The following CTTNBP2NL variants were observed in gnomAD, a reference collection of about 807,000 sequenced individuals.
CTTNBP2NL encodes CTTNBP2 N-terminal-like protein.
In CTTNBP2NL, 16 loss-of-function variants were observed where a neutral mutation model predicts 32.5. The observed-to-expected ratio is 0.49, with a 90% CI of 0.33 to 0.75. The LOEUF (loss-of-function observed/expected upper bound fraction) is 0.75, where lower values mean the gene tolerates loss of function less well. CTTNBP2NL is among the 30% of genes least tolerant of loss of function. CTTNBP2NL has a pLI of 0.02. For synonymous variants in CTTNBP2NL, 298 were observed against 289.4 expected (o/e 1.03, Z -0.30); for missense variants, 645 against 756.0 (o/e 0.85, Z 1.72).
chr1:112,422,751 A>T lies in CTTNBP2NL; in HGVS notation c.99+6487A>T, dbSNP rs115796874. Among the ~76,000 whole-genome samples the T allele has an allele frequency of 6.3e-4, 96 of 152,000 alleles. 1 individual carries two copies. The highest frequency in any genetic ancestry group is 2.2e-3 in the African/African-American group (92 of 41,444). On this transcript the variant is annotated intron_variant, in intron 3 of 5. Transcript: ENST00000271277. ...ATGTTAAGTATCATTTCATGTGCTT[A>T]TTTGCTAATTTGCTCTCTGTATTAT...
At position 112,456,398 on chromosome 1, in the gene CTTNBP2NL, T is replaced by C. The variant is rs146126245; in HGVS notation, c.906T>C (p.Thr302=). Residue 302 remains threonine, a synonymous_variant, in exon 6 of 6, where the codon ACT becomes ACC. Transcript: ENST00000271277. The part of the protein sequence containing the change: ...KPVTVSKGTA[T]EPLMLMSVFC... ...TAACCGTGTCCAAAGGCACAGCAACTGAGCCTCTCATGCTAATGTCTGTGT... is the reference window on the plus strand; with the variant it reads ...TAACCGTGTCCAAAGGCACAGCAACCGAGCCTCTCATGCTAATGTCTGTGT... 63 of 1,614,106 alleles carry C rather than the reference T, an allele frequency of 3.9e-5. No individual in the cohort carries two copies. The African/African-American group carries it at 4.3e-4, about 11-fold the overall frequency.
chr1:112,393,179 T>C (rs761854917), upstream of CTTNBP2NL, among the ~76,000 whole-genome samples: 15 of 152,150 alleles, frequency 9.9e-5, no homozygotes, highest in Non-Finnish European at 1.2e-4. Flanking sequence ...TTTGTACTTC[T>C]AGCCTCAAGA....
At chr1:112,447,275 A>C (rs1158572666) in intron 3 of CTTNBP2NL, among the ~76,000 whole-genome samples, 1 of 139,956 alleles carries the variant, frequency 7.1e-6, no homozygotes, top group Admixed American at 7.1e-5. Context: ...CTCCATCTAA[A>C]AAAAAAAAAA....
At chr1:112,399,748 C>T (rs957536966) in intron 1 of CTTNBP2NL, among the ~76,000 whole-genome samples, 3 of 152,088 alleles carry the variant, frequency 2.0e-5, no homozygotes, top group African/African-American at 7.2e-5. Flanking sequence ...GGCTTATTAG[C>T]ATGTTTTCTA....
At position 112,457,106 on chromosome 1, in the gene CTTNBP2NL, C is replaced by T. The variant is rs1259994449; in HGVS notation, c.1614C>T (p.Asn538=). The T allele has an allele frequency of 1.9e-6, 3 of 1,614,090 alleles. No individual in the cohort carries two copies. Among genetic ancestry groups the T allele is most frequent in the Admixed American group, 1.7e-5 (1 of 60,008 alleles). Residue 538 remains asparagine, a synonymous_variant, in exon 6 of 6, where the codon AAC becomes AAT. Transcript: ENST00000271277. ...PFGTDYRNLA[N]TANPRGDTSH... The stretch of plus-strand genomic sequence containing the variant: ...GCACAGACTATCGAAATCTAGCCAA[C>T]ACTGCCAATCCAAGAGGTGACACAA...
Position 112,424,617 on chromosome 1 carries a change from A to G in CTTNBP2NL, c.99+8353A>G, listed in dbSNP as rs116932841. 3.9e-3 allele frequency among the ~76,000 whole-genome samples: 593 copies of G among 152,326 alleles called. 17 individuals are homozygous for G. In the East Asian group the frequency reaches 0.073, roughly 19 times the overall value. On this transcript the variant is annotated intron_variant, in intron 3 of 5. Coordinates refer to ENST00000271277, the MANE Select transcript of CTTNBP2NL (RefSeq NM_018704.3). ...AGAGATCAATTTGGGGAGAATTCAT[A>G]TCTTAACAACATTGTGTTTTTCGAT...
intron 3 of CTTNBP2NL, among the ~76,000 whole-genome samples, chr1:112,440,922 C>CATT (rs71081237): frequency 0.55 from 83,742 of 151,768 alleles, 24,185 homozygotes; most frequent in South Asian, 0.71. Flanking sequence ...TTTTTGCTGT[C>CATT]ATTGTTAAAA....
chr1:112,432,864 A>G (rs747996985), intron 3 of CTTNBP2NL, among the ~76,000 whole-genome samples: 8 of 151,132 alleles, frequency 5.3e-5, no homozygotes, highest in African/African-American at 1.9e-4. Flanking sequence ...ATTCCTCATT[A>G]CTCATTTGCC....
Position 112,457,646 on chromosome 1 carries a change from C to T in CTTNBP2NL, c.*234C>T, listed in dbSNP as rs566483490. ...AAAGGCACCTCAAAGATGTCTCAAG[C>T]TCAGCAGTCACCGTCATGTTGTGAT... On this transcript the variant is annotated 3_prime_UTR_variant, in exon 6 of 6. Coordinates refer to ENST00000271277, the MANE Select transcript of CTTNBP2NL (RefSeq NM_018704.3). The T allele has an allele frequency of 4.3e-6, 2 of 460,050 alleles. No individual in the cohort carries two copies. Among genetic ancestry groups the T allele is most frequent in the Non-Finnish European group, 7.7e-6 (2 of 260,968 alleles). 28.5% of individuals were successfully genotyped at this position (460,050 alleles called of 1,614,324 possible).
intron 3 of CTTNBP2NL, among the ~76,000 whole-genome samples, chr1:112,440,117 A>G (rs1649855772): frequency 6.6e-6 from 1 of 152,352 alleles, no homozygotes; most frequent in South Asian, 2.1e-4. Context: ...CCCAGCAAAC[A>G]TTAAGTATTC....
intron 1 of CTTNBP2NL, among the ~76,000 whole-genome samples, chr1:112,400,724 G>A (rs894779021): frequency 6.6e-5 from 10 of 152,178 alleles, no homozygotes; most frequent in African/African-American, 2.2e-4. Flanking sequence ...CCCGGGAGAC[G>A]GAGGTTGCAG....
chr1:112,442,671 T>C (rs1417794415), intron 3 of CTTNBP2NL, among the ~76,000 whole-genome samples: 2 of 152,068 alleles, frequency 1.3e-5, no homozygotes, highest in East Asian at 1.9e-4. Flanking sequence ...TTGAAACAGC[T>C]ACATTATTCT....
At chr1:112,453,911 A>G (rs993372128) in intron 4 of CTTNBP2NL, among the ~76,000 whole-genome samples, 2 of 152,226 alleles carry the variant, frequency 1.3e-5, no homozygotes, top group Non-Finnish European at 2.9e-5. Context: ...TAGGAAGTCA[A>G]GAGAGTCTAT....
chr1:112,440,589 T>A (rs988696886), intron 3 of CTTNBP2NL, among the ~76,000 whole-genome samples: 1 of 152,224 alleles, frequency 6.6e-6, no homozygotes, highest in Admixed American at 6.5e-5. Flanking sequence ...CAGTGTTTTT[T>A]ATTCTGTTTT....
At chr1:112,395,302 G>A (rs753227492), upstream of CTTNBP2NL, among the ~76,000 whole-genome samples, 4 of 152,184 alleles carry the variant, frequency 2.6e-5, no homozygotes, top group African/African-American at 7.2e-5. Context: ...TGTGGAAAAG[G>A]AATTCAGAAA....
rs149096196 is a variant in CTTNBP2NL at position 112,456,147 on chromosome 1, G to A, written c.655G>A (p.Glu219Lys). 397 of 1,614,050 alleles carry A rather than the reference G, an allele frequency of 2.5e-4. No individual in the cohort carries two copies. Among genetic ancestry groups the A allele is most frequent in the Non-Finnish European group, 3.3e-4 (386 of 1,180,034 alleles). The change falls in exon 6 of 6, where the codon GAA (glutamate) becomes AAA (lysine). Residue 219 changes from glutamate (E) to lysine (K), a missense_variant. Glu to Lys is a moderately conservative substitution (Grantham distance 56). Coordinates refer to ENST00000271277, the MANE Select transcript of CTTNBP2NL (RefSeq NM_018704.3). Reference sequence around the variant, plus strand: ...GAAGAGCCGGGTGAGTAAACTGGAAGAAGAGTTGGCAGCTGAGAGAAAGAG... The same window carrying A: ...GAAGAGCCGGGTGAGTAAACTGGAAAAAGAGTTGGCAGCTGAGAGAAAGAG... ...KEKSRVSKLE[E>K]ELAAERKRGL... is the part of the protein sequence containing the mutation.
intron 3 of CTTNBP2NL, among the ~76,000 whole-genome samples, chr1:112,416,638 G>A (rs1454281110): frequency 2.6e-5 from 4 of 151,812 alleles, no homozygotes; most frequent in African/African-American, 7.3e-5. Flanking sequence ...GACTACAGGC[G>A]CACACCACCA....
At chr1:112,429,388 T>C (rs1649493791) in intron 3 of CTTNBP2NL, among the ~76,000 whole-genome samples, 1 of 152,226 alleles carries the variant, frequency 6.6e-6, no homozygotes, top group Non-Finnish European at 1.5e-5. Context: ...GGCACTTGCC[T>C]ATAGTCCCAG....
At chr1:112,407,256 A>G (rs1777604) in intron 1 of CTTNBP2NL, among the ~76,000 whole-genome samples, 19,602 of 152,160 alleles carry the variant, frequency 0.13, 4,150 homozygotes, top group African/African-American at 0.44. Context: ...TCATCTGTCA[A>G]AGTAGTAAGT....
Sources: allele counts gnomAD v4.1 joint callset (sites outside exome capture counted in the v4.1 genomes callset), GRCh38; gene constraint gnomAD v4.1.1; transcripts MANE v1.5; gene names NCBI Gene and HGNC (gene_info 2026-07-23, HGNC 2026-07-21).